The following KCNB2 variants were observed in gnomAD, a reference collection of about 807,000 sequenced individuals.
The protein encoded by KCNB2 is potassium voltage-gated channel subfamily B member 2, also known as delayed rectifier potassium channel protein.
KCNB2 carries 15 observed loss-of-function variants against 61.5 expected under a neutral mutation model. The ratio of observed to expected loss-of-function variants is 0.24; its 90% CI spans 0.16 to 0.38. The LOEUF is 0.38. KCNB2 is among the 10% of genes least tolerant of loss of function. The probability of loss-of-function intolerance (pLI) is 1.00; values close to 1 mark genes in which losing one functional copy is unlikely to be tolerated. For missense variants in KCNB2, 828 were observed against 1,125.2 expected (o/e 0.74, Z 3.78); for synonymous variants, 457 against 446.0 (o/e 1.02, Z -0.31).
intron 2 of KCNB2, among the ~76,000 whole-genome samples, chr8:72,615,020 G>C (rs1286749369): frequency 6.6e-6 from 1 of 152,148 alleles, no homozygotes; most frequent in African/African-American, 2.4e-5. Flanking sequence ...TTCACACCAT[G>C]AGGAGAGCCA....
At position 72,606,270 on chromosome 8, in the gene KCNB2, G is replaced by A. The variant is rs184111905; in HGVS notation, c.579+37957G>A. 1.7e-3 allele frequency among the ~76,000 whole-genome samples: 262 copies of A among 152,126 alleles called. 1 individual carries two copies. The highest frequency in any genetic ancestry group is 5.8e-3 in the African/African-American group (241 of 41,498). On this transcript the variant is annotated intron_variant, in intron 2 of 2. Coordinates refer to ENST00000523207, the MANE Select transcript of KCNB2 (RefSeq NM_004770.3). ...GGGAAAAACTAGAAGCAATTATAGA[G>A]GAATGACTAGATAGCAGTGACAAAT... is the stretch of plus-strand genomic sequence containing the variant.
At chr8:72,853,770 G>A (rs1042613648) in intron 2 of KCNB2, among the ~76,000 whole-genome samples, 2 of 152,166 alleles carry the variant, frequency 1.3e-5, no homozygotes, top group Non-Finnish European at 2.9e-5. Flanking sequence ...CTCCCTCAAA[G>A]TGTGCTATAA....
intron 2 of KCNB2, among the ~76,000 whole-genome samples, chr8:72,614,718 T>C (rs1462877770): frequency 1.3e-5 from 2 of 152,168 alleles, no homozygotes; most frequent in African/African-American, 4.8e-5. Context: ...AAAGTCTTTG[T>C]CTCCCTTCCG....
chr8:72,680,044 T>A (rs1371561021), intron 2 of KCNB2, among the ~76,000 whole-genome samples: 1 of 152,220 alleles, frequency 6.6e-6, no homozygotes, highest in African/African-American at 2.4e-5. Flanking sequence ...ACCCAAGTTT[T>A]ACTATGGTGT....
intron 2 of KCNB2, among the ~76,000 whole-genome samples, chr8:72,810,473 C>G (rs1365498998): frequency 6.6e-6 from 1 of 151,982 alleles, no homozygotes; most frequent in Non-Finnish European, 1.5e-5. Flanking sequence ...CCATTGCTGA[C>G]CAGCCCTCCT....
chr8:72,759,271 C>T lies in KCNB2; in HGVS notation c.580-176664C>T, dbSNP rs183898937. Among the ~76,000 whole-genome samples, 227 of 152,188 alleles carry T rather than the reference C, an allele frequency of 1.5e-3. 1 individual carries two copies. Among genetic ancestry groups the T allele is most frequent in the Non-Finnish European group, 1.9e-3 (126 of 68,010 alleles). ...TGATACTATATTACATAATAAAATACGGAAAATGAAACTCGCCCTGTGGAG... is the reference window on the plus strand; with the variant it reads ...TGATACTATATTACATAATAAAATATGGAAAATGAAACTCGCCCTGTGGAG... On this transcript the variant is annotated intron_variant, in intron 2 of 2. Transcript: ENST00000523207.
chr8:72,562,461 T>C (rs1156872299), intron 1 of KCNB2, among the ~76,000 whole-genome samples: 1 of 152,226 alleles, frequency 6.6e-6, no homozygotes, highest in Non-Finnish European at 1.5e-5. Flanking sequence ...CTGCTTTTTT[T>C]TCTCTAGAAG....
intron 2 of KCNB2, among the ~76,000 whole-genome samples, chr8:72,690,393 G>C (rs186410966): frequency 6.6e-6 from 1 of 152,166 alleles, no homozygotes; most frequent in South Asian, 2.1e-4. Flanking sequence ...AATAAACTAC[G>C]ATCTTTGTGT....
chr8:72,792,803 T>C (rs995582496), intron 2 of KCNB2, among the ~76,000 whole-genome samples: 35 of 152,224 alleles, frequency 2.3e-4, no homozygotes, highest in African/African-American at 8.2e-4. Context: ...CAGTTAAGTA[T>C]CTTACCTTGA....
At chr8:72,730,083 C>T (rs1429616131) in intron 2 of KCNB2, among the ~76,000 whole-genome samples, 1 of 151,968 alleles carries the variant, frequency 6.6e-6, no homozygotes, top group Non-Finnish European at 1.5e-5. Flanking sequence ...TTCTTGATGC[C>T]CGTAGACATC....
At chr8:72,907,439 G>A (rs1806199403) in intron 2 of KCNB2, among the ~76,000 whole-genome samples, 1 of 151,966 alleles carries the variant, frequency 6.6e-6, no homozygotes, top group Admixed American at 6.6e-5. Context: ...GGAGGAGGAA[G>A]AGGAAGAGGA....
chr8:72,889,476 C>T (rs1805860718), intron 2 of KCNB2, among the ~76,000 whole-genome samples: 1 of 152,028 alleles, frequency 6.6e-6, no homozygotes, highest in Admixed American at 6.6e-5. Flanking sequence ...CTGCTTGCAT[C>T]CAGGAGTTCA....
chr8:72,588,025 C>T lies in KCNB2; in HGVS notation c.579+19712C>T, dbSNP rs1807026675. ...CCTTGTGCACTGTTTTTGTGGAACACATTTACTGAAAAGCCATTCTCCTGA... is the reference window on the plus strand; with the variant it reads ...CCTTGTGCACTGTTTTTGTGGAACATATTTACTGAAAAGCCATTCTCCTGA... On this transcript the variant is annotated intron_variant, in intron 2 of 2. Transcript: ENST00000523207. Among the ~76,000 whole-genome samples the T allele has an allele frequency of 3.3e-5, 5 of 151,480 alleles. 1 individual carries two copies. The highest frequency in any genetic ancestry group is 3.3e-4 in the Admixed American group (5 of 15,250).
At chr8:72,907,227 C>T (rs763190912) in intron 2 of KCNB2, among the ~76,000 whole-genome samples, 2 of 151,966 alleles carry the variant, frequency 1.3e-5, no homozygotes, top group Admixed American at 1.3e-4. Context: ...CATGGTGGCA[C>T]ACGCCTGTAG....
intron 2 of KCNB2, among the ~76,000 whole-genome samples, chr8:72,727,470 A>G (rs1489561875): frequency 6.6e-6 from 1 of 152,196 alleles, no homozygotes; most frequent in East Asian, 1.9e-4. Context: ...CAGTGTTATA[A>G]AGTGGAAGCA....
intron 2 of KCNB2, among the ~76,000 whole-genome samples, chr8:72,636,178 CTCTGAAAT>C (rs375757205): frequency 6.6e-6 from 1 of 152,258 alleles, no homozygotes; most frequent in African/African-American, 2.4e-5. Flanking sequence ...ATCCCAGTGT[CTCTGAAAT>C]TCTTTGTAAA....
At chr8:72,678,870 A>G (rs1190484100) in intron 2 of KCNB2, among the ~76,000 whole-genome samples, 2 of 152,112 alleles carry the variant, frequency 1.3e-5, no homozygotes, top group Admixed American at 6.6e-5. Context: ...CTGCCCAACT[A>G]TGCACCTCAA....
chr8:72,609,564 T>A (rs558694561), intron 2 of KCNB2, among the ~76,000 whole-genome samples: 33 of 152,358 alleles, frequency 2.2e-4, no homozygotes, highest in Middle Eastern at 3.4e-3. Context: ...GAATTTTCTG[T>A]TGCCCTTTTA....
At chr8:72,641,832 A>G (rs1003819243) in intron 2 of KCNB2, among the ~76,000 whole-genome samples, 1 of 152,120 alleles carries the variant, frequency 6.6e-6, no homozygotes, top group Non-Finnish European at 1.5e-5. Flanking sequence ...ATAAAAGAAC[A>G]TATGTAAGTG....
Sources: gnomAD v4.1 joint callset for allele counts (sites outside exome capture counted in the v4.1 genomes callset) on GRCh38, gnomAD v4.1.1 for gene constraint, MANE v1.5 for transcripts, NCBI Gene and HGNC (gene_info 2026-07-23, HGNC 2026-07-21) for gene names.